Variants in RBFOX1 observed in about 807,000 individuals in gnomAD.
RBFOX1 encodes the protein RNA binding fox-1 homolog 1.
A neutral mutation model predicts 57.7 loss-of-function variants in RBFOX1; 8 were observed. The ratio of observed to expected loss-of-function variants is 0.14; its 90% CI spans 0.08 to 0.25. The LOEUF is 0.25. RBFOX1 is among the 10% of genes least tolerant of loss of function. The pLI, the probability that RBFOX1 is intolerant of heterozygous loss-of-function variation, is 1.00. For synonymous variants in RBFOX1, 326 were observed against 222.4 expected (o/e 1.47, Z -4.15); for missense variants, 611 against 548.5 (o/e 1.11, Z -1.14).
chr16:6,377,098 T>A (rs2534743), intron 2 of RBFOX1, among the ~76,000 whole-genome samples: 21 of 151,036 alleles, frequency 1.4e-4, no homozygotes, highest in Admixed American at 9.2e-4. Flanking sequence ...CATGGAAAAA[T>A]TCCATCCCTA....
At chr16:7,211,391 CAAAAA>C (rs57333413) in intron 4 of RBFOX1, among the ~76,000 whole-genome samples, 7 of 83,942 alleles carry the variant, frequency 8.3e-5, no homozygotes, top group Non-Finnish European at 1.3e-4. Flanking sequence ...GACTGCCTCT[CAAAAA>C]AAAAAAAAAA....
At position 7,579,815 on chromosome 16, in the gene RBFOX1, G is replaced by C; in HGVS notation, c.309G>C (p.Gln103His). The C allele has an allele frequency of 6.2e-7, 1 of 1,614,094 alleles. No individual in the cohort carries two copies. The highest frequency in any genetic ancestry group is 8.5e-7 in the Non-Finnish European group (1 of 1,179,994). The change falls in exon 6 of 16, where the codon CAG (glutamine) becomes CAC (histidine). Residue 103 changes from glutamine (Q) to histidine (H), a missense_variant. This residue lies in a region of RBFOX1 where 245 missense variants were observed against 159.1 expected (regional missense o/e 1.54). Coordinates refer to ENST00000550418, the MANE Select transcript of RBFOX1 (RefSeq NM_018723.4). ...DDAAPTDGQP[Q>H]TQPSENTENK... The stretch of plus-strand genomic sequence containing the variant: ...CAGCACCGACGGATGGCCAGCCCCA[G>C]ACACAACCTTCTGAAAACACGGAAA...
intron 4 of RBFOX1, among the ~76,000 whole-genome samples, chr16:7,055,731 G>C (rs1292406540): frequency 6.6e-6 from 1 of 152,146 alleles, no homozygotes; most frequent in African/African-American, 2.4e-5. Context: ...ATTGTTACCT[G>C]CACAAAAGTA....
chr16:6,011,073 T>C (rs2094958423), intron 4 of RBFOX1, among the ~76,000 whole-genome samples: 1 of 152,232 alleles, frequency 6.6e-6, no homozygotes, highest in African/African-American at 2.4e-5. Context: ...TACTTATCCA[T>C]TTGTAATAAA....
intron 1 of RBFOX1, among the ~76,000 whole-genome samples, chr16:6,214,873 G>A (rs1341308500): frequency 4.9e-5 from 5 of 102,608 alleles, no homozygotes; most frequent in Non-Finnish European, 8.0e-5. Flanking sequence ...GGGAGAAGGC[G>A]AGGGGAGAAG....
chr16:5,713,591 T>G (rs2051574789), intron 3 of RBFOX1, among the ~76,000 whole-genome samples: 1 of 152,210 alleles, frequency 6.6e-6, no homozygotes, highest in South Asian at 2.1e-4. Flanking sequence ...GATCTGGAAA[T>G]GCCCGGATCT....
At chr16:7,233,431 C>G (rs1011663195) in intron 4 of RBFOX1, among the ~76,000 whole-genome samples, 1 of 152,198 alleles carries the variant, frequency 6.6e-6, no homozygotes, top group Admixed American at 6.5e-5. Flanking sequence ...CTTGCTCTTT[C>G]TCTTATTCAT....
chr16:6,171,940 G>C (rs1237945909), intron 1 of RBFOX1, among the ~76,000 whole-genome samples: 6 of 151,986 alleles, frequency 3.9e-5, no homozygotes, highest in Admixed American at 3.9e-4. Flanking sequence ...TCCTGCCTCA[G>C]CCTCCTGAGT....
intron 2 of RBFOX1, among the ~76,000 whole-genome samples, chr16:5,579,110 A>G (rs1174588765): frequency 6.6e-6 from 1 of 152,046 alleles, no homozygotes; most frequent in Non-Finnish European, 1.5e-5. Flanking sequence ...AGCCTCCCAA[A>G]GTGCTGGGAT....
chr16:6,107,450 A>G (rs900894860), intron 1 of RBFOX1, among the ~76,000 whole-genome samples: 3 of 152,168 alleles, frequency 2.0e-5, no homozygotes, highest in African/African-American at 7.2e-5. Context: ...AGCTAAACTT[A>G]ATCTGCGGAG....
At chr16:6,490,817 C>T (rs370518156) in intron 2 of RBFOX1, among the ~76,000 whole-genome samples, 11 of 152,164 alleles carry the variant, frequency 7.2e-5, no homozygotes, top group African/African-American at 2.7e-4. Flanking sequence ...AATAAACTCA[C>T]GTTTGAACAA....
chr16:7,363,991 G>C (rs1450859008), intron 4 of RBFOX1, among the ~76,000 whole-genome samples: 1 of 152,138 alleles, frequency 6.6e-6, no homozygotes, highest in Non-Finnish European at 1.5e-5. Flanking sequence ...AAATATTTTT[G>C]AACAGGAAGA....
rs534897317 is a variant in RBFOX1, at chr16:6,897,978, C to T, written c.-15-154079C>T. Among the ~76,000 whole-genome samples the T allele has an allele frequency of 3.3e-5, 5 of 152,224 alleles. No homozygotes were observed. In the East Asian group the frequency reaches 9.7e-4, roughly 29 times the overall value. ...CCCTGTGTTATAGGTAACTTAAGGT[C>T]TGTAACTCTGCTAAACTACAGGCTC... On this transcript the variant is annotated intron_variant, in intron 3 of 15. Transcript: ENST00000550418.
intron 1 of RBFOX1, among the ~76,000 whole-genome samples, chr16:6,314,893 T>C (rs2080880496): frequency 3.9e-5 from 6 of 152,208 alleles, no homozygotes; most frequent in Non-Finnish European, 1.5e-5. Context: ...CTAACTATTC[T>C]TCCCAAATCA....
At chr16:7,687,044 T>C (rs183646804) in intron 14 of RBFOX1, among the ~76,000 whole-genome samples, 210 of 152,222 alleles carry the variant, frequency 1.4e-3, no homozygotes, top group African/African-American at 4.4e-3. Context: ...AATGAAATGT[T>C]TTTAAGTGTA....
At chr16:5,451,486 G>A (rs929813639) in intron 1 of RBFOX1, among the ~76,000 whole-genome samples, 14 of 152,168 alleles carry the variant, frequency 9.2e-5, no homozygotes, top group Admixed American at 1.3e-4. Flanking sequence ...GATTTGATGG[G>A]GGAGGTTATT....
intron 1 of RBFOX1, among the ~76,000 whole-genome samples, chr16:5,406,556 CTG>C (rs777513337): frequency 6.6e-6 from 1 of 152,000 alleles, no homozygotes; most frequent in Non-Finnish European, 1.5e-5. Context: ...CTCCCTCTCT[CTG>C]TGTTTCTCTC....
chr16:5,781,020 C>T (rs941167945), intron 3 of RBFOX1, among the ~76,000 whole-genome samples: 1 of 152,144 alleles, frequency 6.6e-6, no homozygotes, highest in African/African-American at 2.4e-5. Context: ...CAGGTTAGAA[C>T]CATGGTGGGT....
chr16:6,732,351 C>T (rs1385338316), intron 3 of RBFOX1, among the ~76,000 whole-genome samples: 1 of 152,202 alleles, frequency 6.6e-6, no homozygotes, highest in African/African-American at 2.4e-5. Context: ...GAGTGAGTCT[C>T]TGACAGATGC....
Sources: allele counts gnomAD v4.1 joint callset (sites outside exome capture counted in the v4.1 genomes callset), GRCh38; gene constraint gnomAD v4.1.1; regional missense constraint gnomAD v4.1.1; transcripts MANE v1.5; gene names NCBI Gene and HGNC (gene_info 2026-07-23, HGNC 2026-07-21).